The following TECPR2 variants were observed in gnomAD, a reference collection of about 807,000 sequenced individuals.
TECPR2 encodes tectonin beta-propeller repeat-containing protein 2.
A neutral mutation model predicts 138.1 loss-of-function variants in TECPR2; 65 were observed. That is an observed-to-expected ratio of 0.47 (90% CI 0.39 to 0.58). The LOEUF (loss-of-function observed/expected upper bound fraction) is 0.58, where lower values mean the gene tolerates loss of function less well. Among genes scored for constraint, TECPR2 ranks in the 20% least tolerant of loss-of-function variants. TECPR2 has a pLI of 0.00. For synonymous variants in TECPR2, 746 were observed against 749.8 expected (o/e 0.99, Z 0.08); for missense variants, 1,553 against 1,824.5 (o/e 0.85, Z 2.71).
At chr14:102,407,730 C>T (rs1025875307) in intron 3 of TECPR2, among the ~76,000 whole-genome samples, 2 of 152,158 alleles carry the variant, frequency 1.3e-5, no homozygotes, top group African/African-American at 4.8e-5. Flanking sequence ...GGTGCAGTGG[C>T]TCATGCCTGT....
chr14:102,467,385 C>T (rs1016402687), intron 17 of TECPR2, among the ~76,000 whole-genome samples: 1 of 139,058 alleles, frequency 7.2e-6, no homozygotes, highest in African/African-American at 2.8e-5. Flanking sequence ...AGTGCAATGG[C>T]GCCATCTTGG....
chr14:102,371,205 GA>G (rs1887499398), intron 1 of TECPR2, among the ~76,000 whole-genome samples: 1 of 152,190 alleles, frequency 6.6e-6, no homozygotes, highest in Non-Finnish European at 1.5e-5. Context: ...GTGGGTCTGA[GA>G]CCTGGGGGTT....
At chr14:102,439,711 C>T (rs1204169479) in intron 10 of TECPR2, among the ~76,000 whole-genome samples, 1 of 152,240 alleles carries the variant, frequency 6.6e-6, no homozygotes, top group Non-Finnish European at 1.5e-5. Flanking sequence ...TGGTGGGCAG[C>T]AGAGCCCTTG....
intron 2 of TECPR2, among the ~76,000 whole-genome samples, chr14:102,384,232 A>T (rs1277336620): frequency 6.6e-6 from 1 of 151,260 alleles, no homozygotes. Context: ...AGTTGTTTTT[A>T]TTTTTTTACT....
rs908842192 is a variant in TECPR2 at position 102,502,313 on chromosome 14, C to T, written c.*4056C>T. ...TTGGCAGGTTTGAAATTTTTCATAACTCCGGGGAGGAGCAAGAGGGGTGAA... is the reference window on the plus strand; with the variant it reads ...TTGGCAGGTTTGAAATTTTTCATAATTCCGGGGAGGAGCAAGAGGGGTGAA... On this transcript the variant is annotated 3_prime_UTR_variant, in exon 20 of 20. Transcript: ENST00000359520. 3.3e-5 allele frequency: 5 copies of T among 152,652 alleles called. No individual in the cohort carries two copies. The highest frequency in any genetic ancestry group is 9.7e-5 in the African/African-American group (4 of 41,450). 9.5% of individuals were successfully genotyped at this position (152,652 alleles called of 1,614,324 possible). A position where few individuals can be genotyped will look rare whatever the true frequency, so the allele number is the denominator to read the frequency against.
chr14:102,489,756 T>A (rs1456599116), intron 17 of TECPR2, among the ~76,000 whole-genome samples: 4 of 151,258 alleles, frequency 2.6e-5, no homozygotes, highest in African/African-American at 7.3e-5. Context: ...TGATACGTGC[T>A]CTCTCTGACA....
At chr14:102,426,954 C>T (rs753553770) in intron 6 of TECPR2, among the ~76,000 whole-genome samples, 5 of 152,162 alleles carry the variant, frequency 3.3e-5, no homozygotes, top group Admixed American at 1.3e-4. Flanking sequence ...TATTATCAGC[C>T]GTACCTGGTA....
chr14:102,400,170 C>T (rs762737523), intron 2 of TECPR2, among the ~76,000 whole-genome samples: 1 of 151,744 alleles, frequency 6.6e-6, no homozygotes, highest in Non-Finnish European at 1.5e-5. Flanking sequence ...CTCAGCCTCC[C>T]AAGTAGCTGG....
chr14:102,384,148 A>T (rs912018915), intron 2 of TECPR2, among the ~76,000 whole-genome samples: 2 of 151,512 alleles, frequency 1.3e-5, no homozygotes, highest in African/African-American at 4.9e-5. Flanking sequence ...CGAACTCCCG[A>T]CCCCAGGTGA....
chr14:102,438,455 A>C, intron 10 of TECPR2: 1 of 472,474 alleles, frequency 2.1e-6, no homozygotes, highest in Non-Finnish European at 3.7e-6. Flanking sequence ...TTCTTTATTA[A>C]TTGCAATGGT....
Position 102,370,102 on chromosome 14 carries a change from G to A in TECPR2, c.-72-6548G>A, listed in dbSNP as rs187166757. On this transcript the variant is annotated intron_variant, in intron 1 of 19. Transcript: ENST00000359520. ...TTTTTTTTTTTTGAGACAGAGTTTC[G>A]CTCTTGTTGCCCAGGCTGGAGTGCA... Among the ~76,000 whole-genome samples, 52 of 151,190 alleles carry A rather than the reference G, an allele frequency of 3.4e-4. 1 individual carries two copies. Among genetic ancestry groups the A allele is most frequent in the African/African-American group, 9.7e-4 (40 of 41,182 alleles).
chr14:102,450,763 AC>A, intron 15 of TECPR2, 114 bp downstream of exon 15: 2 of 1,034,870 alleles, frequency 1.9e-6, no homozygotes, highest in Non-Finnish European at 2.9e-6. Context: ...TCGGAGACTG[AC>A]CACGTGAGGG....
intron 1 of TECPR2, among the ~76,000 whole-genome samples, chr14:102,364,307 T>C (rs1887281492): frequency 6.6e-6 from 1 of 152,230 alleles, no homozygotes; most frequent in Non-Finnish European, 1.5e-5. Context: ...TAATGTACCT[T>C]GATAAACCTC....
intron 17 of TECPR2, among the ~76,000 whole-genome samples, chr14:102,489,019 A>C (rs915096437): frequency 6.6e-6 from 1 of 151,734 alleles, no homozygotes; most frequent in Non-Finnish European, 1.5e-5. Flanking sequence ...AGACACTAGG[A>C]CTACAGGCAT....
chr14:102,481,477 A>G (rs1890892759), intron 17 of TECPR2, among the ~76,000 whole-genome samples: 1 of 152,144 alleles, frequency 6.6e-6, no homozygotes, highest in Admixed American at 6.5e-5. Flanking sequence ...AAAGTCATAC[A>G]TGAAATGCCA....
chr14:102,415,510 C>T lies in TECPR2; in HGVS notation c.638+717C>T, dbSNP rs2139703931. On this transcript the variant is annotated intron_variant, in intron 5 of 19. Coordinates refer to ENST00000359520, the MANE Select transcript of TECPR2 (RefSeq NM_014844.5). This position sits in a 1 kb window ranked among gnomAD's most constrained non-coding sequence, Gnocchi z 4.3. The stretch of plus-strand genomic sequence containing the variant: ...ACCTGGGGAACCTGTAATTCATCAT[C>T]CCACCCTAGCCTGTAAAGCACTCTT... 6.6e-6 allele frequency among the ~76,000 whole-genome samples: 1 copy of T among 152,214 alleles called. No homozygotes were observed. Among genetic ancestry groups the T allele is most frequent in the East Asian group, 1.9e-4 (1 of 5,170 alleles).
intron 17 of TECPR2, among the ~76,000 whole-genome samples, chr14:102,484,072 C>T (rs1480761929): frequency 6.6e-6 from 1 of 151,776 alleles, no homozygotes; most frequent in Non-Finnish European, 1.5e-5. Flanking sequence ...GCTGGGATTA[C>T]AGGCATTAGC....
chr14:102,453,445 A>G (rs1266026341), intron 16 of TECPR2, among the ~76,000 whole-genome samples: 1 of 151,468 alleles, frequency 6.6e-6, no homozygotes, highest in African/African-American at 2.4e-5. Flanking sequence ...ATGCCATTGC[A>G]CTCCAGCCCA....
chr14:102,473,038 G>A (rs577486123), intron 17 of TECPR2, among the ~76,000 whole-genome samples: 17 of 152,382 alleles, frequency 1.1e-4, no homozygotes, highest in South Asian at 1.0e-3. Context: ...AAGTGACTGC[G>A]TCTTTCCCCA....
Sources: gnomAD v4.1 joint callset for allele counts (sites outside exome capture counted in the v4.1 genomes callset) on GRCh38, gnomAD v4.1.1 for gene constraint, Gnocchi (gnomAD v3.1) non-coding constraint, MANE v1.5 for transcripts, NCBI Gene and HGNC (gene_info 2026-07-23, HGNC 2026-07-21) for gene names.